The following KPNA4 variants were observed in gnomAD, a reference collection of about 807,000 sequenced individuals.
The protein encoded by KPNA4 is importin subunit alpha-3.
KPNA4 carries 13 observed loss-of-function variants against 71.3 expected under a neutral mutation model. The observed-to-expected ratio is 0.18, with a 90% CI of 0.12 to 0.29. The LOEUF is 0.29. Ranked by LOEUF, KPNA4 falls within the 10% of genes least tolerant of loss-of-function variation. The probability of loss-of-function intolerance (pLI) is 1.00; values close to 1 mark genes in which losing one functional copy is unlikely to be tolerated. For missense variants in KPNA4, 334 were observed against 603.2 expected (o/e 0.55, Z 4.67); for synonymous variants, 189 against 195.2 (o/e 0.97, Z 0.26).
intron 1 of KPNA4, among the ~76,000 whole-genome samples, chr3:160,538,273 CTTTA>C (rs1721730621): frequency 1.3e-5 from 2 of 151,872 alleles, no homozygotes; most frequent in African/African-American, 4.8e-5. Flanking sequence ...GTAAGTGCTT[CTTTA>C]TTATCACATT....
intron 1 of KPNA4, among the ~76,000 whole-genome samples, chr3:160,545,614 C>T (rs1721887864): frequency 6.6e-6 from 1 of 152,154 alleles, no homozygotes; most frequent in Admixed American, 6.5e-5. Flanking sequence ...AGCCACTGCA[C>T]AGATTTTGGC....
chr3:160,529,211 G>C (rs1002218823), intron 7 of KPNA4, among the ~76,000 whole-genome samples: 1 of 152,062 alleles, frequency 6.6e-6, no homozygotes, highest in African/African-American at 2.4e-5. Context: ...TAGAATTACT[G>C]GCATGAGCCA....
intron 1 of KPNA4, among the ~76,000 whole-genome samples, chr3:160,545,029 C>T (rs2108557245): frequency 6.6e-6 from 1 of 152,266 alleles, no homozygotes; most frequent in African/African-American, 2.4e-5. Flanking sequence ...TTCAAGAATA[C>T]CAAAGCTTAG....
rs565310788 is a variant in KPNA4, at chr3:160,497,569, A to C, written c.*4535T>G. ...AGTTTAGGGAAAACTTTAAGTGTTC[A>C]AAATGTCAAGTTTGTTAGGCATCAG... On this transcript the variant is annotated 3_prime_UTR_variant, in exon 17 of 17. Transcript: ENST00000334256. 6.6e-6 allele frequency: 1 copy of C among 152,354 alleles called. No individual in the cohort carries two copies. The highest frequency in any genetic ancestry group is 1.5e-5 in the Non-Finnish European group (1 of 68,032). 9.4% of individuals were successfully genotyped at this position (152,354 alleles called of 1,614,324 possible).
intron 12 of KPNA4, 198 bp downstream of exon 12, chr3:160,515,254 C>A: frequency 1.6e-6 from 1 of 642,966 alleles, no homozygotes; most frequent in East Asian, 3.3e-5. Context: ...CAAAATTGCA[C>A]TTTTCATAAC....
intron 1 of KPNA4, among the ~76,000 whole-genome samples, chr3:160,539,145 T>C (rs948053807): frequency 6.6e-6 from 1 of 152,168 alleles, no homozygotes; most frequent in African/African-American, 2.4e-5. Flanking sequence ...TTCCTGACCA[T>C]CTGCCAACTC....
rs1272471732 is a variant in KPNA4 at position 160,495,153 on chromosome 3, A to G, written c.*6951T>C. On this transcript the variant is annotated 3_prime_UTR_variant, in exon 17 of 17. Coordinates refer to ENST00000334256, the MANE Select transcript of KPNA4 (RefSeq NM_002268.5). The stretch of plus-strand genomic sequence containing the variant: ...CGGAGAAACTCAGATGTGATAGAGC[A>G]ATGAGTGAACAGATACTATAGACTG... The G allele has an allele frequency of 6.6e-6, 1 of 152,246 alleles. No homozygotes were observed. The highest frequency in any genetic ancestry group is 1.5e-5 in the Non-Finnish European group (1 of 68,052). The allele number at this position is 152,246 out of a possible 1,614,324, so 9.4% of individuals were successfully genotyped here. A position where few individuals can be genotyped will look rare whatever the true frequency, so the allele number is the denominator to read the frequency against.
intron 5 of KPNA4, among the ~76,000 whole-genome samples, chr3:160,534,135 C>T (rs1721632204): frequency 6.6e-6 from 1 of 152,162 alleles, no homozygotes; most frequent in Non-Finnish European, 1.5e-5. Context: ...CTGGAAAAGT[C>T]TAATAAATAT....
intron 1 of KPNA4, among the ~76,000 whole-genome samples, chr3:160,559,829 T>C (rs1389291586): frequency 4.6e-5 from 7 of 152,090 alleles, no homozygotes. Flanking sequence ...AAGCCAAACA[T>C]TAAGACCCGA....
chr3:160,501,280 A>T lies in KPNA4; in HGVS notation c.*824T>A, dbSNP rs1720873987. On this transcript the variant is annotated 3_prime_UTR_variant, in exon 17 of 17. Transcript: ENST00000334256. ...ATACTAGGTAAAGTAAATAAAAACT[A>T]AAAAAAAAGAAAAGAAAAGCAAAAA... The T allele has an allele frequency of 6.7e-6, 1 of 149,484 alleles. No homozygotes were observed. The highest frequency in any genetic ancestry group is 2.5e-5 in the African/African-American group (1 of 40,026). The allele number at this position is 149,484 out of a possible 1,614,324, so 9.3% of individuals were successfully genotyped here. A position where few individuals can be genotyped will look rare whatever the true frequency, so the allele number is the denominator to read the frequency against.
At chr3:160,523,102 C>G (rs1356538913) in intron 10 of KPNA4, among the ~76,000 whole-genome samples, 1 of 152,152 alleles carries the variant, frequency 6.6e-6, no homozygotes, top group Non-Finnish European at 1.5e-5. Flanking sequence ...ATAATTGTGC[C>G]TAAAACTACT....
chr3:160,539,709 G>A (rs1310523227), intron 1 of KPNA4, among the ~76,000 whole-genome samples: 1 of 152,180 alleles, frequency 6.6e-6, no homozygotes, highest in Non-Finnish European at 1.5e-5. Flanking sequence ...ATATCTGTAG[G>A]ATGCATTACT....
chr3:160,534,892 T>G (rs187107658), intron 5 of KPNA4, among the ~76,000 whole-genome samples: 20 of 151,576 alleles, frequency 1.3e-4, no homozygotes, highest in Admixed American at 2.0e-4. Flanking sequence ...CTGGGCTAAT[T>G]TTTGTATTTT....
rs1720805429 is a variant in KPNA4, at chr3:160,498,279, T to C, written c.*3825A>G. 1 of 152,208 alleles carries C rather than the reference T, an allele frequency of 6.6e-6. No individual in the cohort carries two copies. Among genetic ancestry groups the C allele is most frequent in the African/African-American group, 2.4e-5 (1 of 41,440 alleles). 9.4% of individuals were successfully genotyped at this position (152,208 alleles called of 1,614,324 possible). On this transcript the variant is annotated 3_prime_UTR_variant, in exon 17 of 17. Coordinates refer to ENST00000334256, the MANE Select transcript of KPNA4 (RefSeq NM_002268.5). Reference sequence around the variant, plus strand: ...ATTAGGTTCTCAGAGGCAACCTTGATCCCCAAATAAGCTTGCTATGATAAC... The same window carrying C: ...ATTAGGTTCTCAGAGGCAACCTTGACCCCCAAATAAGCTTGCTATGATAAC...
chr3:160,540,753 C>T (rs1018008234), intron 1 of KPNA4, among the ~76,000 whole-genome samples: 7 of 152,166 alleles, frequency 4.6e-5, no homozygotes, highest in African/African-American at 1.7e-4. Context: ...TTCCAGAAAG[C>T]TGACAAACTG....
chr3:160,512,503 A>T (rs1281052735), intron 13 of KPNA4, among the ~76,000 whole-genome samples: 1 of 152,252 alleles, frequency 6.6e-6, no homozygotes, highest in Non-Finnish European at 1.5e-5. Flanking sequence ...AGGACAAAGA[A>T]TCAAACATTT....
intron 1 of KPNA4, among the ~76,000 whole-genome samples, chr3:160,559,770 T>C (rs150259761): frequency 9.3e-4 from 141 of 152,210 alleles, no homozygotes; most frequent in Non-Finnish European, 1.6e-3. Flanking sequence ...ACCAAAACAG[T>C]GTATCACAAA....
Position 160,498,766 on chromosome 3 carries a change from T to G in KPNA4, c.*3338A>C, listed in dbSNP as rs1720818250. 6.6e-6 allele frequency: 1 copy of G among 152,232 alleles called. No homozygotes were observed. Among genetic ancestry groups the G allele is most frequent in the African/African-American group, 2.4e-5 (1 of 41,442 alleles). The allele number at this position is 152,232 out of a possible 1,614,324, so 9.4% of individuals were successfully genotyped here. A position where few individuals can be genotyped will look rare whatever the true frequency, so the allele number is the denominator to read the frequency against. On this transcript the variant is annotated 3_prime_UTR_variant, in exon 17 of 17. Coordinates refer to ENST00000334256, the MANE Select transcript of KPNA4 (RefSeq NM_002268.5). The stretch of plus-strand genomic sequence containing the variant: ...TAAGACTGCAGCTCTGGCTGACACC[T>G]TTATTGCAGCCTTGTGAGACCCTGA...
intron 13 of KPNA4, among the ~76,000 whole-genome samples, chr3:160,512,758 G>A (rs1721122621): frequency 6.6e-6 from 1 of 152,146 alleles, no homozygotes; most frequent in African/African-American, 2.4e-5. Context: ...CCTAAACCCG[G>A]GAGGTAGAGA....
Sources: allele counts gnomAD v4.1 joint callset (sites outside exome capture counted in the v4.1 genomes callset), GRCh38; gene constraint gnomAD v4.1.1; transcripts MANE v1.5; gene names NCBI Gene and HGNC (gene_info 2026-07-23, HGNC 2026-07-21).